The following PCDHA8 variants were observed in gnomAD, a reference collection of about 807,000 sequenced individuals.
PCDHA8 encodes the protein protocadherin alpha-8.
PCDHA8 carries 53 observed loss-of-function variants against 61.8 expected under a neutral mutation model. That is an observed-to-expected ratio of 0.86 (90% confidence interval 0.69 to 1.08). The LOEUF is 1.08. Among genes scored for constraint, PCDHA8 ranks in the 50% least tolerant of loss-of-function variants. PCDHA8 has a pLI of 0.00. For missense variants in PCDHA8, 1,293 were observed against 1,245.0 expected (o/e 1.04, Z -0.58); for synonymous variants, 618 against 556.6 (o/e 1.11, Z -1.55).
At chr5:140,881,304 C>T (rs1011967816) in intron 1 of PCDHA8, 1 of 965,928 alleles carries the variant, frequency 1.0e-6, no homozygotes, top group South Asian at 4.8e-5. Flanking sequence ...AAACTTTAAC[C>T]TCCTGGTTAA....
At chr5:140,947,275 T>G (rs246050) in intron 1 of PCDHA8, among the ~76,000 whole-genome samples, 85,352 of 151,290 alleles carry the variant, frequency 0.56, 24,679 homozygotes, top group African/African-American at 0.69. Context: ...GAAAATACTT[T>G]TTCTTTTTAT....
At chr5:140,944,608 G>T (rs2093673405) in intron 1 of PCDHA8, among the ~76,000 whole-genome samples, 1 of 152,176 alleles carries the variant, frequency 6.6e-6, no homozygotes, top group Non-Finnish European at 1.5e-5. Context: ...AGAGTAGTGT[G>T]CTGTAGAAGT....
At chr5:140,954,036 T>G (rs527853766) in intron 1 of PCDHA8, among the ~76,000 whole-genome samples, 170 of 152,342 alleles carry the variant, frequency 1.1e-3, no homozygotes, top group African/African-American at 3.9e-3. Context: ...GATGTGGTAT[T>G]TGGTTTTCTG....
At position 140,979,295 on chromosome 5, in the gene PCDHA8, C is replaced by A. The variant is rs180999093; in HGVS notation, c.2453+288C>A. Among the ~76,000 whole-genome samples, 27 of 152,270 alleles carry A rather than the reference C, an allele frequency of 1.8e-4. 1 individual carries two copies. The highest frequency in any genetic ancestry group is 4.1e-4 in the African/African-American group (17 of 41,558). ...TTCTACAGGGAAGTAATTTCAACCT[C>A]CTTCATCCCTCTCTACCTATGCTTT... On this transcript the variant is annotated intron_variant, in intron 2 of 3. Coordinates refer to ENST00000531613, the MANE Select transcript of PCDHA8 (RefSeq NM_018911.3).
chr5:140,923,508 G>C (rs570497442), intron 1 of PCDHA8, among the ~76,000 whole-genome samples: 1 of 152,222 alleles, frequency 6.6e-6, no homozygotes, highest in Non-Finnish European at 1.5e-5. Flanking sequence ...CAGCCTGGAT[G>C]ATGAAGTGAG....
At chr5:140,899,479 A>T (rs2067352016) in intron 1 of PCDHA8, among the ~76,000 whole-genome samples, 1 of 152,194 alleles carries the variant, frequency 6.6e-6, no homozygotes, top group Non-Finnish European at 1.5e-5. Flanking sequence ...TTCTGTTTAT[A>T]TGCTGGATTA....
intron 1 of PCDHA8, chr5:140,967,958 C>T (rs202159883): frequency 5.6e-6 from 9 of 1,614,182 alleles, no homozygotes; most frequent in East Asian, 2.2e-5. Flanking sequence ...AGGCCCCAAC[C>T]GGAAAGTGAG....
intron 1 of PCDHA8, among the ~76,000 whole-genome samples, chr5:140,965,863 A>T (rs1275095146): frequency 6.6e-6 from 1 of 152,218 alleles, no homozygotes; most frequent in Non-Finnish European, 1.5e-5. Flanking sequence ...ACTGAAAATA[A>T]GGGCCACTTG....
intron 3 of PCDHA8, among the ~76,000 whole-genome samples, chr5:140,992,671 T>C (rs932477687): frequency 1.3e-5 from 2 of 152,116 alleles, no homozygotes; most frequent in African/African-American, 4.8e-5. Context: ...GGTGTGTATG[T>C]GTGTGTTAGG....
intron 1 of PCDHA8, chr5:140,884,138 G>T (rs782798249): frequency 6.2e-7 from 1 of 1,613,410 alleles, no homozygotes; most frequent in Admixed American, 1.7e-5. Context: ...CCCGTTCCGC[G>T]TGGGGCTGTA....
At position 140,849,809 on chromosome 5, in the gene PCDHA8, G is replaced by T. The variant is rs147465571; in HGVS notation, c.2394+6094G>T. 1.1e-3 allele frequency: 1,794 copies of T among 1,598,496 alleles called. 170 individuals are homozygous for T. The highest frequency in any genetic ancestry group is 1.4e-3 in the Non-Finnish European group (1,689 of 1,167,928). On this transcript the variant is annotated intron_variant, in intron 1 of 3. Transcript: ENST00000531613. ...GGGGCTCGCCTTCACTGTGGGCCACGGCCAGGGTGTCTGTGGAGGTGGCCG... is the reference window on the plus strand; with the variant it reads ...GGGGCTCGCCTTCACTGTGGGCCACTGCCAGGGTGTCTGTGGAGGTGGCCG...
intron 1 of PCDHA8, among the ~76,000 whole-genome samples, chr5:140,898,053 A>C (rs1444652933): frequency 1.3e-5 from 2 of 151,746 alleles, no homozygotes; most frequent in Admixed American, 1.3e-4. Context: ...TTTTTCTTGT[A>C]AATTTGTTTG....
intron 1 of PCDHA8, among the ~76,000 whole-genome samples, chr5:140,895,558 A>G (rs1449174455): frequency 6.6e-6 from 1 of 152,154 alleles, no homozygotes; most frequent in Non-Finnish European, 1.5e-5. Context: ...AGTTCTTTAT[A>G]TATTCTAGAT....
intron 1 of PCDHA8, chr5:140,850,680 G>T: frequency 6.3e-7 from 1 of 1,598,518 alleles, no homozygotes; most frequent in Non-Finnish European, 8.6e-7. Flanking sequence ...GATGCCCACC[G>T]AGGGCGAGTG....
intron 1 of PCDHA8, among the ~76,000 whole-genome samples, chr5:140,895,618 T>C (rs569188891): frequency 1.1e-4 from 16 of 152,206 alleles, no homozygotes; most frequent in African/African-American, 3.9e-4. Context: ...TCATTGAGGG[T>C]GTTGTCTTTT....
chr5:140,908,169 C>T (rs1361651305), intron 1 of PCDHA8, among the ~76,000 whole-genome samples: 2 of 152,192 alleles, frequency 1.3e-5, no homozygotes, highest in African/African-American at 4.8e-5. Context: ...TGTAGTGCTG[C>T]AGCTGTCCAC....
At chr5:140,905,333 T>A (rs180881008) in intron 1 of PCDHA8, among the ~76,000 whole-genome samples, 2 of 152,324 alleles carry the variant, frequency 1.3e-5, no homozygotes, top group Admixed American at 1.3e-4. Flanking sequence ...TTGTTGAAGA[T>A]CAGTTGGCTG....
At chr5:140,844,643 T>C (rs1405874201) in intron 1 of PCDHA8, among the ~76,000 whole-genome samples, 1 of 149,602 alleles carries the variant, frequency 6.7e-6, no homozygotes, top group Non-Finnish European at 1.5e-5. Context: ...CATGATAATT[T>C]CATTCTTGCA....
chr5:140,890,990 A>T (rs782516672), intron 1 of PCDHA8, among the ~76,000 whole-genome samples: 1 of 152,142 alleles, frequency 6.6e-6, no homozygotes, highest in African/African-American at 2.4e-5. Flanking sequence ...TCTTTATTTC[A>T]TCATAATTAT....
Sources: gnomAD v4.1 joint callset for allele counts (sites outside exome capture counted in the v4.1 genomes callset) on GRCh38, gnomAD v4.1.1 for gene constraint, MANE v1.5 for transcripts, NCBI Gene and HGNC (gene_info 2026-07-23, HGNC 2026-07-21) for gene names.